CAMK1D: variants seen among roughly 807,000 people sequenced by gnomAD.
CAMK1D encodes calcium/calmodulin-dependent protein kinase type 1D.
In CAMK1D, 9 loss-of-function variants were observed where a neutral mutation model predicts 47.7. The ratio of observed to expected loss-of-function variants is 0.19; its 90% CI spans 0.11 to 0.33. The LOEUF (loss-of-function observed/expected upper bound fraction) is 0.33. Ranked by LOEUF, CAMK1D falls within the 10% of genes least tolerant of loss-of-function variation. The pLI, the probability that CAMK1D is intolerant of heterozygous loss-of-function variation, is 1.00. For synonymous variants in CAMK1D, 184 were observed against 184.9 expected (o/e 0.99, Z 0.04); for missense variants, 291 against 488.7 (o/e 0.60, Z 3.81).
At chr10:12,823,267 A>G (rs1415786130) in intron 8 of CAMK1D, among the ~76,000 whole-genome samples, 1 of 152,196 alleles carries the variant, frequency 6.6e-6, no homozygotes, top group Non-Finnish European at 1.5e-5. Context: ...CTTCCAGCCC[A>G]TAACGTTGGT....
At chr10:12,783,380 C>T (rs550227399) in intron 5 of CAMK1D, among the ~76,000 whole-genome samples, 4 of 152,314 alleles carry the variant, frequency 2.6e-5, no homozygotes, top group South Asian at 2.1e-4. Context: ...CACCGTCCTC[C>T]GCCCACTGGA....
At chr10:12,751,964 G>T (rs1431629937) in intron 3 of CAMK1D, among the ~76,000 whole-genome samples, 1 of 151,806 alleles carries the variant, frequency 6.6e-6, no homozygotes, top group Non-Finnish European at 1.5e-5. Context: ...CAAAGGCATT[G>T]TTGGGTCTTT....
intron 3 of CAMK1D, among the ~76,000 whole-genome samples, chr10:12,693,274 A>C (rs1003089849): frequency 6.6e-6 from 1 of 152,128 alleles, no homozygotes; most frequent in African/African-American, 2.4e-5. Context: ...CTGAGGCAGG[A>C]GAATTGCTTG....
At chr10:12,560,351 G>C (rs1017093738) in intron 2 of CAMK1D, among the ~76,000 whole-genome samples, 36 of 152,094 alleles carry the variant, frequency 2.4e-4, no homozygotes, top group African/African-American at 8.7e-4. Context: ...TCAGGAGTTA[G>C]AGACCAGCCT....
intron 1 of CAMK1D, among the ~76,000 whole-genome samples, chr10:12,370,471 G>C (rs551776344): frequency 6.6e-6 from 1 of 152,126 alleles, no homozygotes; most frequent in Admixed American, 6.6e-5. Context: ...TCCAGAAAGC[G>C]TTGTTATCGT....
At chr10:12,693,902 T>A (rs1381593112) in intron 3 of CAMK1D, among the ~76,000 whole-genome samples, 2 of 112,168 alleles carry the variant, frequency 1.8e-5, no homozygotes, top group Non-Finnish European at 3.5e-5. Flanking sequence ...ATATAAAATA[T>A]ATATATAATA....
At chr10:12,398,667 G>T (rs766237155) in intron 1 of CAMK1D, among the ~76,000 whole-genome samples, 5 of 152,008 alleles carry the variant, frequency 3.3e-5, no homozygotes, top group Admixed American at 6.6e-5. Flanking sequence ...GTTGTATTTA[G>T]TTATTGTGAT....
At chr10:12,504,792 A>G (rs902947025) in intron 1 of CAMK1D, among the ~76,000 whole-genome samples, 8 of 151,518 alleles carry the variant, frequency 5.3e-5, no homozygotes, top group African/African-American at 1.7e-4. Flanking sequence ...TTCTCTTACT[A>G]CCTCCCGGGA....
At chr10:12,802,099 A>T (rs550152606) in intron 6 of CAMK1D, among the ~76,000 whole-genome samples, 2 of 152,376 alleles carry the variant, frequency 1.3e-5, no homozygotes, top group South Asian at 4.1e-4. Flanking sequence ...TTCAGTTATC[A>T]GTGTGAACTG....
intron 6 of CAMK1D, among the ~76,000 whole-genome samples, chr10:12,797,586 A>C (rs1428963948): frequency 6.6e-6 from 1 of 150,756 alleles, no homozygotes; most frequent in African/African-American, 2.4e-5. Context: ...TCCCATTATC[A>C]CTCCAGCATC....
chr10:12,556,913 C>T (rs1166777723), intron 2 of CAMK1D, among the ~76,000 whole-genome samples: 4 of 152,164 alleles, frequency 2.6e-5, no homozygotes, highest in Non-Finnish European at 1.5e-5. Context: ...AGCACATTAA[C>T]ACAGAAGCTC....
At chr10:12,562,427 T>C (rs1323209081) in intron 2 of CAMK1D, among the ~76,000 whole-genome samples, 1 of 152,208 alleles carries the variant, frequency 6.6e-6, no homozygotes, top group African/African-American at 2.4e-5. Context: ...TCCCTTTCTT[T>C]AGTTCCTTCT....
At chr10:12,793,650 A>G (rs544263676) in intron 6 of CAMK1D, among the ~76,000 whole-genome samples, 56 of 151,856 alleles carry the variant, frequency 3.7e-4, no homozygotes, top group African/African-American at 1.3e-3. Flanking sequence ...GTGTCCTCAC[A>G]TGCTGTAGAG....
chr10:12,457,779 CAAAAAAA>C (rs5783269), intron 1 of CAMK1D, among the ~76,000 whole-genome samples: 2 of 71,126 alleles, frequency 2.8e-5, no homozygotes, highest in African/African-American at 9.8e-5. Flanking sequence ...GACTCTGTCT[CAAAAAAA>C]AAAAAAAAAA....
chr10:12,551,829 C>G (rs1836593242), intron 1 of CAMK1D, among the ~76,000 whole-genome samples: 2 of 150,042 alleles, frequency 1.3e-5, no homozygotes, highest in Non-Finnish European at 2.9e-5. Context: ...AAACTGTTGT[C>G]CATGAAGCTG....
intron 1 of CAMK1D, among the ~76,000 whole-genome samples, chr10:12,366,945 G>A (rs1260210196): frequency 4.6e-5 from 7 of 152,120 alleles, no homozygotes; most frequent in Admixed American, 1.3e-4. Context: ...TCAGTAATTC[G>A]TGTAGCTTGG....
chr10:12,689,108 T>C (rs1189257988), intron 3 of CAMK1D, among the ~76,000 whole-genome samples: 1 of 152,220 alleles, frequency 6.6e-6, no homozygotes, highest in Admixed American at 6.5e-5. Context: ...GCCTTCCTGC[T>C]TCATACAACT....
intron 1 of CAMK1D, among the ~76,000 whole-genome samples, chr10:12,489,136 C>A (rs1834303001): frequency 2.6e-5 from 4 of 152,060 alleles, no homozygotes; most frequent in Admixed American, 2.6e-4. Context: ...CAGGGAGTTT[C>A]ACTGTGTTAG....
chr10:12,566,180 A>C (rs1258200524), intron 2 of CAMK1D, among the ~76,000 whole-genome samples: 1 of 152,054 alleles, frequency 6.6e-6, no homozygotes, highest in African/African-American at 2.4e-5. Context: ...GGGCTCTCCA[A>C]ATGTTTGCTG....
Sources: gnomAD v4.1 joint callset for allele counts (sites outside exome capture counted in the v4.1 genomes callset) on GRCh38, gnomAD v4.1.1 for gene constraint, MANE v1.5 for transcripts, NCBI Gene and HGNC (gene_info 2026-07-23, HGNC 2026-07-21) for gene names.